CACNA2D2: variants seen among roughly 807,000 people sequenced by gnomAD.
The protein encoded by CACNA2D2 is voltage-dependent calcium channel subunit alpha-2/delta-2.
CACNA2D2 carries 48 observed loss-of-function variants against 166.4 expected under a neutral mutation model. That is an observed-to-expected ratio of 0.29 (90% confidence interval 0.23 to 0.37). CACNA2D2 has a LOEUF of 0.37. Ranked by LOEUF, CACNA2D2 falls within the 10% of genes least tolerant of loss-of-function variation. The probability of loss-of-function intolerance (pLI) is 1.00; values close to 1 mark genes in which losing one functional copy is unlikely to be tolerated. For missense variants in CACNA2D2, 1,122 were observed against 1,433.0 expected, an observed-to-expected ratio of 0.78 and a Z score of 3.50; for synonymous variants, 561 against 573.7, an observed-to-expected ratio of 0.98 and a Z score of 0.32.
intron 1 of CACNA2D2, among the ~76,000 whole-genome samples, chr3:50,487,616 G>T (rs984714898): frequency 6.6e-6 from 1 of 152,134 alleles, no homozygotes; most frequent in African/African-American, 2.4e-5. Context: ...CCCTCTGCAG[G>T]CTGTGAGGGA....
chr3:50,384,356 C>A lies in CACNA2D2; in HGVS notation c.511-19G>T, dbSNP rs774767652. 3.7e-6 allele frequency: 6 copies of A among 1,612,016 alleles called. No homozygotes were observed. The highest frequency in any genetic ancestry group is 2.5e-6 in the Non-Finnish European group (3 of 1,178,786). ...GGTCGTCCTGCAGAAAGGGCACCCC[C>A]GAGCAATGTCAGGGCTGGAAAATGG... On this transcript the variant is annotated intron_variant, in intron 5 of 37. Transcript: ENST00000424201.
At chr3:50,466,767 G>A (rs1709843617) in intron 2 of CACNA2D2, among the ~76,000 whole-genome samples, 1 of 152,224 alleles carries the variant, frequency 6.6e-6, no homozygotes, top group East Asian at 1.9e-4. Context: ...TGGACTCCTG[G>A]AAAGCCTGGG....
intron 1 of CACNA2D2, among the ~76,000 whole-genome samples, chr3:50,500,339 G>T (rs980461213): frequency 6.6e-6 from 1 of 152,194 alleles, no homozygotes; most frequent in African/African-American, 2.4e-5. Flanking sequence ...GGCCAGCTCA[G>T]CCGGGTGCTC....
At chr3:50,373,704 T>C (rs1335364173) in intron 22 of CACNA2D2, among the ~76,000 whole-genome samples, 1 of 89,876 alleles carries the variant, frequency 1.1e-5, no homozygotes. Context: ...AAGAGGGAGA[T>C]AGAGGAGATG....
At chr3:50,467,641 C>T (rs1709878086) in intron 2 of CACNA2D2, among the ~76,000 whole-genome samples, 4 of 152,136 alleles carry the variant, frequency 2.6e-5, no homozygotes, top group African/African-American at 9.7e-5. Context: ...AGGTCAGGCC[C>T]TCAAGCTCCA....
Position 50,434,385 on chromosome 3 carries a change from C to T in CACNA2D2, c.333G>A (p.Glu111=), listed in dbSNP as rs767784223. ...CCACCTTCTCCACCAACTTCTGAGG[C>T]TCATTCTCCTGTACCTCGAACAGGT... is the stretch of plus-strand genomic sequence containing the variant. ...NRNLFEVQEN[E]PQKLVEKVAG... The change falls in exon 3 of 38, where the codon GAG becomes GAA. Residue 111 remains glutamate (E), a synonymous_variant. Transcript: ENST00000424201. The T allele has an allele frequency of 6.2e-7, 1 of 1,614,182 alleles. No homozygotes were observed. The highest frequency in any genetic ancestry group is 2.2e-5 in the East Asian group (1 of 44,874).
chr3:50,396,698 G>A (rs557310418), intron 3 of CACNA2D2, among the ~76,000 whole-genome samples: 17 of 152,222 alleles, frequency 1.1e-4, no homozygotes, highest in East Asian at 7.7e-4. Context: ...AACTTGGCCC[G>A]GAGGCTGTGT....
chr3:50,491,746 G>A (rs374310323), intron 1 of CACNA2D2, among the ~76,000 whole-genome samples: 7 of 152,334 alleles, frequency 4.6e-5, no homozygotes, highest in African/African-American at 1.7e-4. Flanking sequence ...GTGGCCTGTA[G>A]AGGCCAGCTT....
Position 50,370,363 on chromosome 3 carries a change from G to A in CACNA2D2, c.2002C>T (p.Pro668Ser), listed in dbSNP as rs770511963. ...TGTCCTTCAGACTCAAAGCTGCTGGGGAGCAGGAACTCAAAATCTGCAACA... is the reference window on the plus strand; with the variant it reads ...TGTCCTTCAGACTCAAAGCTGCTGGAGAGCAGGAACTCAAAATCTGCAACA... Reference protein sequence around the residue: ...LQVKYFEFLLPSSFESEGHVF... With the variant: ...LQVKYFEFLLSSSFESEGHVF... The change falls in exon 23 of 38, where the codon CCC becomes TCC. Residue 668 changes from proline (P) to serine (S), a missense_variant. By Grantham distance (74) the Pro-to-Ser change is moderately conservative (BLOSUM62 -1). Coordinates refer to ENST00000424201, the MANE Select transcript of CACNA2D2 (RefSeq NM_006030.4). The A allele has an allele frequency of 6.3e-7, 1 of 1,588,260 alleles. No individual in the cohort carries two copies. Among genetic ancestry groups the A allele is most frequent in the Non-Finnish European group, 8.6e-7 (1 of 1,168,134 alleles).
In CACNA2D2 at chr3:50,374,768, G is replaced by A. The variant is rs2106637741; in HGVS notation, c.1953C>T (p.Ala651=). The part of the protein sequence containing the change: ...LPPYSTFYLQ[A]NLSDQILQVK... Reference sequence around the variant, plus strand: ...CCTGCAGGATCTGGTCACTGAGATTGGCTTGGAGGTAGAAGGTGCTGTAGG... The same window carrying A: ...CCTGCAGGATCTGGTCACTGAGATTAGCTTGGAGGTAGAAGGTGCTGTAGG... The change falls in exon 22 of 38, where the codon GCC becomes GCT. Residue 651 remains alanine (A), a synonymous_variant. Transcript: ENST00000424201. The A allele has an allele frequency of 1.2e-5, 19 of 1,598,762 alleles. No homozygotes were observed. The highest frequency in any genetic ancestry group is 1.6e-5 in the Non-Finnish European group (19 of 1,173,420).
At chr3:50,495,804 G>C (rs941527228) in intron 1 of CACNA2D2, among the ~76,000 whole-genome samples, 16 of 152,312 alleles carry the variant, frequency 1.1e-4, no homozygotes, top group African/African-American at 3.8e-4. Flanking sequence ...CTGAGCCCAG[G>C]CTCCACGCCC....
In CACNA2D2 at chr3:50,374,805, A is replaced by G; in HGVS notation, c.1916T>C (p.Leu639Pro). Residue 639 changes from leucine (L) to proline (P), a missense_variant, in exon 22 of 38, where the codon CTG (leucine) becomes CCG (proline). This residue lies in a region of CACNA2D2 where 840 missense variants were observed against 1,166.8 expected (regional missense o/e 0.72). Coordinates refer to ENST00000424201, the MANE Select transcript of CACNA2D2 (RefSeq NM_006030.4). ...PIRSTNYSLG[L>P]VLPPYSTFYL... The stretch of plus-strand genomic sequence containing the variant: ...GAAGGTGCTGTAGGGTGGGAGCACC[A>G]GCCCCAGGCTGAGGGGGGAGAAGCT... 1 of 1,590,512 alleles carries G rather than the reference A, an allele frequency of 6.3e-7. No homozygotes were observed. The highest frequency in any genetic ancestry group is 8.6e-7 in the Non-Finnish European group (1 of 1,169,378).
intron 1 of CACNA2D2, among the ~76,000 whole-genome samples, chr3:50,488,640 C>T (rs140946034): frequency 4.8e-4 from 73 of 151,200 alleles, no homozygotes; most frequent in African/African-American, 1.7e-3. Flanking sequence ...CCTCTACCAC[C>T]CCCCTAGCAA....
chr3:50,426,350 A>C (rs112705251), intron 3 of CACNA2D2, among the ~76,000 whole-genome samples: 1,765 of 152,140 alleles, frequency 0.012, 33 homozygotes, highest in African/African-American at 0.04. Flanking sequence ...GCTGCATGGC[A>C]CTCCCAGGGG....
At chr3:50,422,609 A>T (rs1014595660) in intron 3 of CACNA2D2, among the ~76,000 whole-genome samples, 1 of 152,200 alleles carries the variant, frequency 6.6e-6, no homozygotes, top group Admixed American at 6.5e-5. Flanking sequence ...GGCACAGGCG[A>T]TCTGCATGCT....
At chr3:50,457,439 T>G (rs1004922869) in intron 2 of CACNA2D2, among the ~76,000 whole-genome samples, 7 of 152,210 alleles carry the variant, frequency 4.6e-5, no homozygotes, top group African/African-American at 1.7e-4. Context: ...ATCTGGGCTC[T>G]GAGTTTTTCA....
chr3:50,380,808 G>A lies in CACNA2D2; in HGVS notation c.785-3C>T, dbSNP rs1575604704. The A allele has an allele frequency of 6.5e-7, 1 of 1,544,272 alleles. No homozygotes were observed. Among genetic ancestry groups the A allele is most frequent in the Non-Finnish European group, 8.7e-7 (1 of 1,145,936 alleles). ...CTTGGGGGCTCGCCACGGGGTGGCT[G>A]AGGGAGGAGAGAAGGTGAGGGGGAC... On this transcript the variant is annotated splice_region_variant and splice_polypyrimidine_tract_variant and intron_variant, in intron 7 of 37. Transcript: ENST00000424201. The surrounding 1 kb of genome is among the most constrained non-coding windows in gnomAD (Gnocchi z 4.9).
At chr3:50,372,732 A>G (rs1217239388) in intron 22 of CACNA2D2, among the ~76,000 whole-genome samples, 1 of 151,952 alleles carries the variant, frequency 6.6e-6, no homozygotes, top group Non-Finnish European at 1.5e-5. Context: ...AAGCGTCCAG[A>G]CTGTCCCTAC....
At chr3:50,476,237 T>C (rs2107091148) in intron 1 of CACNA2D2, 38 bp from the exon 2 acceptor site, 1 of 1,513,474 alleles carries the variant, frequency 6.6e-7, no homozygotes, top group South Asian at 1.2e-5. Flanking sequence ...CAGGAGGGCC[T>C]GCCCAGAGCT....
Sources: gnomAD v4.1 joint callset for allele counts (sites outside exome capture counted in the v4.1 genomes callset) on GRCh38, gnomAD v4.1.1 for gene constraint, gnomAD v4.1.1 regional missense constraint, Gnocchi (gnomAD v3.1) non-coding constraint, MANE v1.5 for transcripts, NCBI Gene and HGNC (gene_info 2026-07-23, HGNC 2026-07-21) for gene names.